ACTC1: variants seen among roughly 807,000 people sequenced by gnomAD.
The protein encoded by ACTC1 is actin alpha cardiac muscle 1, also known as actin, alpha cardiac muscle 1.
A neutral mutation model predicts 31.6 loss-of-function variants in ACTC1; 10 were observed. The ratio of observed to expected loss-of-function variants is 0.32; its 90% CI spans 0.19 to 0.54. ACTC1 has a LOEUF of 0.54. Ranked by LOEUF, ACTC1 falls within the 20% of genes least tolerant of loss-of-function variation. The pLI, the probability that ACTC1 is intolerant of heterozygous loss-of-function variation, is 0.95. For missense variants in ACTC1, 129 were observed against 506.4 expected (o/e 0.25, Z 7.15); for synonymous variants, 196 against 185.0 (o/e 1.06, Z -0.48).
Position 34,790,620 on chromosome 15 carries a change from A to G in ACTC1, c.991-65T>C, listed in dbSNP as rs559788933. The G allele has an allele frequency of 2.1e-4, 333 of 1,581,110 alleles. No homozygotes were observed. The African/African-American group carries it at 4.0e-3, about 19-fold the overall frequency. ...TTCCAAGCAAGGGAGCAAATAACAC[A>G]TTGGGAGGATTCACAGAAAAAAACC... On this transcript the variant is annotated intron_variant, in intron 6 of 6. Coordinates refer to ENST00000290378, the MANE Select transcript of ACTC1 (RefSeq NM_005159.5).
chr15:34,794,953 G>T, intron 1 of ACTC1, 123 bp from the exon 2 acceptor site: 2 of 661,976 alleles, frequency 3.0e-6, no homozygotes, highest in Non-Finnish European at 2.3e-6. Flanking sequence ...GTTGGGCGGG[G>T]AACACTCCTG....
In ACTC1 at chr15:34,793,405, C is replaced by T. The variant is rs397517058; in HGVS notation, c.294G>A (p.Val98=). 10 of 1,614,110 alleles carry T rather than the reference C, an allele frequency of 6.2e-6. No individual in the cohort carries two copies. The East Asian group carries it at 2.2e-4, about 36-fold the overall frequency. Residue 98 remains valine (V), a synonymous_variant, in exon 3 of 7, where the codon GTG becomes GTA. Transcript: ENST00000290378. The surrounding 1 kb of genome is among the most constrained non-coding windows in gnomAD (Gnocchi z 4.8). Reference sequence around the variant, plus strand: ...GCAGGGTGGGGTGCTCCTCGGGAGCCACACGGAGCTCATTGTAGAAGGTGT... The same window carrying T: ...GCAGGGTGGGGTGCTCCTCGGGAGCTACACGGAGCTCATTGTAGAAGGTGT... The part of the protein sequence containing the change: ...WHHTFYNELR[V]APEEHPTLLT...
In ACTC1 at chr15:34,792,777, T is replaced by A; in HGVS notation, c.455-208A>T. 1.7e-6 allele frequency: 1 copy of A among 605,872 alleles called. No individual in the cohort carries two copies. Among genetic ancestry groups the A allele is most frequent in the Admixed American group, 2.9e-5 (1 of 34,622 alleles). 37.5% of individuals were successfully genotyped at this position (605,872 alleles called of 1,614,324 possible). ...AAACTGCAGCTCATCTTTTTAACTA[T>A]TATAGTAGAAAAAATTCCCGAGGAC... is the stretch of plus-strand genomic sequence containing the variant. On this transcript the variant is annotated intron_variant, in intron 3 of 6. Coordinates refer to ENST00000290378, the MANE Select transcript of ACTC1 (RefSeq NM_005159.5). The surrounding 1 kb of genome is among the most constrained non-coding windows in gnomAD (Gnocchi z 5.3).
In ACTC1 at chr15:34,792,831, C is replaced by A. The variant is rs1029372368; in HGVS notation, c.455-262G>T. 3.7e-6 allele frequency: 2 copies of A among 541,652 alleles called. No individual in the cohort carries two copies. Among genetic ancestry groups the A allele is most frequent in the African/African-American group, 3.8e-5 (2 of 52,642 alleles). The allele number at this position is 541,652 out of a possible 1,614,324, so 33.6% of individuals were successfully genotyped here. On this transcript the variant is annotated intron_variant, in intron 3 of 6. Transcript: ENST00000290378. This position sits in a 1 kb window ranked among gnomAD's most constrained non-coding sequence, Gnocchi z 5.3. Reference sequence around the variant, plus strand: ...TTCAAATGACCATCTTTCTTGTCAGCCACGAGCACATTATGTAAGCACCCA... The same window carrying A: ...TTCAAATGACCATCTTTCTTGTCAGACACGAGCACATTATGTAAGCACCCA...
Position 34,791,362 on chromosome 15 carries a change from C to T in ACTC1, c.809-67G>A, listed in dbSNP as rs115415793. On this transcript the variant is annotated intron_variant, in intron 5 of 6. Coordinates refer to ENST00000290378, the MANE Select transcript of ACTC1 (RefSeq NM_005159.5). ...ACACACACACACACACATCACAGTG[C>T]ATTCAGGTCAAGGTAGAGGGAAGAG... The T allele has an allele frequency of 4.7e-3, 7,311 of 1,540,128 alleles. 281 individuals are homozygous for T. In the African/African-American group the frequency reaches 0.082, roughly 17 times the overall value.
chr15:34,793,258 A>G lies in ACTC1; in HGVS notation c.441T>C (p.Ser147=), dbSNP rs1199593688. 1.2e-6 allele frequency: 2 copies of G among 1,614,002 alleles called. No individual in the cohort carries two copies. The highest frequency in any genetic ancestry group is 3.3e-5 in the Admixed American group (2 of 60,006). ...AIQAVLSLYA[S]GRTTGIVLDS... ...AGCCCAGCATACCTGTGGTACGGCC[A>G]GAAGCATACAGGGATAGCACTGCCT... Residue 147 remains serine, a synonymous_variant, in exon 3 of 7, where the codon TCT becomes TCC. Coordinates refer to ENST00000290378, the MANE Select transcript of ACTC1 (RefSeq NM_005159.5). The surrounding 1 kb of genome is among the most constrained non-coding windows in gnomAD (Gnocchi z 4.8).
At position 34,791,306 on chromosome 15, in the gene ACTC1, GTCACACAC is replaced by G; in HGVS notation, c.809-19_809-12del. 7.0e-7 allele frequency: 1 copy of G among 1,430,136 alleles called. No homozygotes were observed. The highest frequency in any genetic ancestry group is 9.5e-7 in the Non-Finnish European group (1 of 1,051,420). The allele number at this position is 1,430,136 out of a possible 1,614,324, so 88.6% of individuals were successfully genotyped here. A position where few individuals can be genotyped will look rare whatever the true frequency, so the allele number is the denominator to read the frequency against. On this transcript the variant is annotated splice_polypyrimidine_tract_variant and intron_variant, in intron 5 of 6. Coordinates refer to ENST00000290378, the MANE Select transcript of ACTC1 (RefSeq NM_005159.5). ...CAGCAGATTCCATACCTGGGAACGA[GTCACACAC>G]ACACACACACACACACACACACACA...
Position 34,792,575 on chromosome 15 carries a change from C to G in ACTC1, c.455-6G>C, listed in dbSNP as rs1359050330. ...CCCAGAGTCCAGAACAATGCCTGCC[C>G]GGGGAAGTAGACAAGAACAAGGTAA... On this transcript the variant is annotated splice_polypyrimidine_tract_variant and splice_region_variant and intron_variant, in intron 3 of 6. Coordinates refer to ENST00000290378, the MANE Select transcript of ACTC1 (RefSeq NM_005159.5). The surrounding 1 kb of genome is among the most constrained non-coding windows in gnomAD (Gnocchi z 5.3). 1 of 1,614,078 alleles carries G rather than the reference C, an allele frequency of 6.2e-7. No homozygotes were observed. The highest frequency in any genetic ancestry group is 8.5e-7 in the Non-Finnish European group (1 of 1,180,010).
At chr15:34,795,195 C>G (rs1475697260) in intron 1 of ACTC1, among the ~76,000 whole-genome samples, 2 of 152,076 alleles carry the variant, frequency 1.3e-5, no homozygotes, top group Non-Finnish European at 2.9e-5. Context: ...TATCGCCATG[C>G]CTGTGCCCCA....
rs185293070 is a variant in ACTC1 at position 34,795,007 on chromosome 15, G to T, written c.-22-177C>A. ...AATCATAAAAGGGAGGGAAGAAGCC[G>T]CGGAGGAGACTGGGGACAGAGAAGG... On this transcript the variant is annotated intron_variant, in intron 1 of 6. Coordinates refer to ENST00000290378, the MANE Select transcript of ACTC1 (RefSeq NM_005159.5). Among the ~76,000 whole-genome samples the T allele has an allele frequency of 1.9e-3, 290 of 152,320 alleles. 4 individuals are homozygous for T. The highest frequency in any genetic ancestry group is 6.8e-3 in the African/African-American group (282 of 41,552).
At position 34,792,129 on chromosome 15, in the gene ACTC1, A is replaced by G. The variant is rs730880399; in HGVS notation, c.769T>C (p.Phe257Leu). The G allele has an allele frequency of 6.2e-7, 1 of 1,614,238 alleles. No homozygotes were observed. The highest frequency in any genetic ancestry group is 8.5e-7 in the Non-Finnish European group (1 of 1,180,038). Reference sequence around the variant, plus strand: ...TGGAAGAGTGTCTCAGGACAGCGGAAGCGCTCATTGCCAATAGTGATGACT... The same window carrying G: ...TGGAAGAGTGTCTCAGGACAGCGGAGGCGCTCATTGCCAATAGTGATGACT... ...GQVITIGNERFRCPETLFQPS... is the reference protein window; with the variant it reads ...GQVITIGNERLRCPETLFQPS... Residue 257 changes from phenylalanine (F) to leucine (L), a missense_variant, in exon 5 of 7, where the codon TTC becomes CTC. By Grantham distance (22) the Phe-to-Leu change is conservative. Transcript: ENST00000290378. This position sits in a 1 kb window ranked among gnomAD's most constrained non-coding sequence, Gnocchi z 5.3.
chr15:34,794,241 T>A (rs915983037), intron 2 of ACTC1, among the ~76,000 whole-genome samples: 3 of 152,340 alleles, frequency 2.0e-5, no homozygotes, highest in South Asian at 2.1e-4. Context: ...GATAGATTGA[T>A]TACACCTTTG....
rs1595759922 is a variant in ACTC1 at position 34,790,442 on chromosome 15, G to C, written c.1104C>G (p.Gly368=). 6.2e-7 allele frequency: 1 copy of C among 1,614,102 alleles called. No individual in the cohort carries two copies. Among genetic ancestry groups the C allele is most frequent in the South Asian group, 1.1e-5 (1 of 91,080 alleles). ...WISKQEYDEA[G]PSIVHRKCF is the part of the protein sequence containing the mutation. ...AGCATTTGCGGTGGACAATGGATGG[G>C]CCTGCCTCATCGTACTCTTGCTTGC... Residue 368 remains glycine (G), a synonymous_variant, in exon 7 of 7, where the codon GGC becomes GGG. Coordinates refer to ENST00000290378, the MANE Select transcript of ACTC1 (RefSeq NM_005159.5).
intron 2 of ACTC1, 30 bp downstream of exon 2, chr15:34,794,650 G>C (rs1333668393): frequency 1.2e-6 from 2 of 1,605,628 alleles, no homozygotes; most frequent in African/African-American, 2.7e-5. Context: ...GGGGTCCCGA[G>C]TGGGACGGGG....
At chr15:34,791,496 T>C (rs531880202) in intron 5 of ACTC1, among the ~76,000 whole-genome samples, 67 of 152,252 alleles carry the variant, frequency 4.4e-4, no homozygotes, top group Middle Eastern at 3.4e-3. Flanking sequence ...TAATCCACAA[T>C]ACAATGCCAA....
chr15:34,791,130 C>G lies in ACTC1; in HGVS notation c.974G>C (p.Ser325Thr). ...MQKEITALAPSTMKIKIIAPP... is the reference protein window; with the variant it reads ...MQKEITALAPTTMKIKIIAPP... The stretch of plus-strand genomic sequence containing the variant: ...GTTCTTTACCTTAATCTTCATGGTG[C>G]TAGGAGCCAGAGCAGTGATTTCCTT... Residue 325 changes from serine to threonine, a missense_variant, in exon 6 of 7, where the codon AGC (serine) becomes ACC (threonine). Physicochemically the swap from Ser to Thr is moderately conservative, Grantham distance 58. Transcript: ENST00000290378. 1 of 1,604,482 alleles carries G rather than the reference C, an allele frequency of 6.2e-7. No individual in the cohort carries two copies. Among genetic ancestry groups the G allele is most frequent in the South Asian group, 1.1e-5 (1 of 90,296 alleles).
At chr15:34,790,609 G>A in intron 6 of ACTC1, 54 bp from the exon 7 acceptor site, 2 of 1,602,622 alleles carry the variant, frequency 1.2e-6, no homozygotes, top group Admixed American at 1.7e-5. Context: ...AAGCAAGGGA[G>A]CAAATAACAC....
chr15:34,794,908 C>T, intron 1 of ACTC1, 78 bp from the exon 2 acceptor site: 1 of 1,417,496 alleles, frequency 7.1e-7, no homozygotes, highest in South Asian at 1.3e-5. Context: ...GAGGACAGGA[C>T]AGAGCAGAAG....
In ACTC1 at chr15:34,793,538, G is replaced by C; in HGVS notation, c.161C>G (p.Ser54Cys). ...GVMVGMGQKD[S>C]YVGDEAQSKR... ...GCTCTGGGCTTCATCACCTACGTAGGAGTCCTTCTGACCCATACCCACCAT... is the reference window on the plus strand; with the variant it reads ...GCTCTGGGCTTCATCACCTACGTAGCAGTCCTTCTGACCCATACCCACCAT... Residue 54 changes from serine to cysteine, a missense_variant, in exon 3 of 7, where the codon TCC (serine) becomes TGC (cysteine). Physicochemically the swap from Ser to Cys is moderately radical, Grantham distance 112. Coordinates refer to ENST00000290378, the MANE Select transcript of ACTC1 (RefSeq NM_005159.5). The surrounding 1 kb of genome is among the most constrained non-coding windows in gnomAD (Gnocchi z 4.8). 6.2e-7 allele frequency: 1 copy of C among 1,614,018 alleles called. No individual in the cohort carries two copies. The highest frequency in any genetic ancestry group is 8.5e-7 in the Non-Finnish European group (1 of 1,179,988).
Sources: allele counts gnomAD v4.1 joint callset (sites outside exome capture counted in the v4.1 genomes callset), GRCh38; gene constraint gnomAD v4.1.1; non-coding constraint Gnocchi (gnomAD v3.1); transcripts MANE v1.5; gene names NCBI Gene and HGNC (gene_info 2026-07-23, HGNC 2026-07-21).